USH2A: variants seen among roughly 807,000 people sequenced by gnomAD.
USH2A encodes Usher syndrome 2A (autosomal recessive, mild).
Under a neutral mutation model 538.9 loss-of-function variants are expected in USH2A, and 443 were observed. That is an observed-to-expected ratio of 0.82 (90% CI 0.76 to 0.89). USH2A has a LOEUF of 0.89. Among genes scored for constraint, USH2A ranks in the 40% least tolerant of loss-of-function variants. The pLI, the probability that USH2A is intolerant of heterozygous loss-of-function variation, is 0.00. For synonymous variants in USH2A, 2,413 were observed against 2,273.5 expected, an observed-to-expected ratio of 1.06 and a Z score of -1.75; for missense variants, 6,633 against 6,324.8, an observed-to-expected ratio of 1.05 and a Z score of -1.65.
intron 12 of USH2A, 87 bp downstream of exon 12, chr1:216,250,816 C>G (rs1434571230): frequency 6.9e-7 from 1 of 1,451,692 alleles, no homozygotes; most frequent in South Asian, 1.2e-5. Context: ...AAGAAATTTG[C>G]TTTACTCTTC....
At chr1:215,875,941 TTAATA>T in intron 43 of USH2A, among the ~76,000 whole-genome samples, 1 of 146,672 alleles carries the variant, frequency 6.8e-6, no homozygotes, top group South Asian at 2.1e-4. Context: ...TTATATATAA[TTAATA>T]ATGTATATAA....
At chr1:215,734,620 T>C (rs946254083) in intron 60 of USH2A, among the ~76,000 whole-genome samples, 23 of 152,206 alleles carry the variant, frequency 1.5e-4, no homozygotes, top group Admixed American at 4.6e-4. Context: ...CATATCTGAT[T>C]GTAGGCTGTT....
chr1:216,394,624 TA>T (rs2039172659), intron 3 of USH2A, among the ~76,000 whole-genome samples: 2 of 151,836 alleles, frequency 1.3e-5, no homozygotes, highest in Non-Finnish European at 2.9e-5. Flanking sequence ...GAATGAATAA[TA>T]AACAGACGTT....
chr1:215,897,194 T>C (rs934874914), intron 40 of USH2A, among the ~76,000 whole-genome samples: 4 of 152,150 alleles, frequency 2.6e-5, no homozygotes, highest in African/African-American at 9.7e-5. Context: ...TTCACCTGTG[T>C]CACAGGCTTG....
rs577845117 is a variant in USH2A, at chr1:216,162,943, A to G, written c.4627+12309T>C. Among the ~76,000 whole-genome samples, 11 of 152,086 alleles carry G rather than the reference A, an allele frequency of 7.2e-5. 1 individual carries two copies. The highest frequency in any genetic ancestry group is 2.4e-4 in the African/African-American group (10 of 41,536). Reference sequence around the variant, plus strand: ...ATTTTTGAATTATTTTTCAGCATCAATCTTCTCTCTGGGAACCTACCCTCC... The same window carrying G: ...ATTTTTGAATTATTTTTCAGCATCAGTCTTCTCTCTGGGAACCTACCCTCC... On this transcript the variant is annotated intron_variant, in intron 21 of 71. Transcript: ENST00000307340.
chr1:215,836,803 G>A (rs949367075), intron 47 of USH2A, among the ~76,000 whole-genome samples: 32 of 150,286 alleles, frequency 2.1e-4, no homozygotes, highest in Middle Eastern at 3.5e-3. Flanking sequence ...TGATCCGCCC[G>A]CCTCGGCCTC....
intron 44 of USH2A, among the ~76,000 whole-genome samples, chr1:215,862,498 G>A (rs924260227): frequency 6.6e-6 from 1 of 152,050 alleles, no homozygotes; most frequent in Admixed American, 6.5e-5. Context: ...CACCAACATG[G>A]CACATGTTTA....
chr1:216,315,667 T>C (rs1205873976), intron 9 of USH2A, among the ~76,000 whole-genome samples: 1 of 152,184 alleles, frequency 6.6e-6, no homozygotes, highest in East Asian at 1.9e-4. Context: ...TGGGACAAAT[T>C]GGTAGAGTAC....
chr1:215,681,956 T>C (rs1009927122), intron 61 of USH2A, among the ~76,000 whole-genome samples: 1 of 152,216 alleles, frequency 6.6e-6, no homozygotes, highest in African/African-American at 2.4e-5. Context: ...TTCTCTTTTT[T>C]AAAATATTAA....
chr1:215,941,106 A>G (rs1488151250), intron 37 of USH2A, among the ~76,000 whole-genome samples: 1 of 152,108 alleles, frequency 6.6e-6, no homozygotes, highest in Non-Finnish European at 1.5e-5. Context: ...TCCTAAATGT[A>G]TCTCATTTTA....
At chr1:215,640,203 T>C (rs1233705665) in intron 68 of USH2A, among the ~76,000 whole-genome samples, 1 of 152,012 alleles carries the variant, frequency 6.6e-6, no homozygotes, top group African/African-American at 2.4e-5. Flanking sequence ...AGCAAGAAAA[T>C]CTATGAAGTT....
At chr1:216,414,743 C>T (rs369833357) in intron 3 of USH2A, among the ~76,000 whole-genome samples, 6 of 152,114 alleles carry the variant, frequency 3.9e-5, no homozygotes, top group East Asian at 1.9e-4. Context: ...CAGAAACACA[C>T]ACACTATATA....
At chr1:216,421,794 T>G in intron 2 of USH2A, 58 bp downstream of exon 2, 4 of 1,612,868 alleles carry the variant, frequency 2.5e-6, no homozygotes, top group Non-Finnish European at 3.4e-6. Context: ...GCTGAAATGA[T>G]CTTCACTACT....
chr1:216,246,680 A>G lies in USH2A; in HGVS notation c.2714T>C (p.Leu905Ser). The G allele has an allele frequency of 6.2e-7, 1 of 1,614,136 alleles. No homozygotes were observed. The highest frequency in any genetic ancestry group is 8.5e-7 in the Non-Finnish European group (1 of 1,179,976). ...QHCQMCECDS[L>S]GTLPGTICDP... Reference sequence around the variant, plus strand: ...ACAAATGGTCCCAGGTAATGTCCCCAAGGAATCACACTCACACATCTGGCA... The same window carrying G: ...ACAAATGGTCCCAGGTAATGTCCCCGAGGAATCACACTCACACATCTGGCA... The change falls in exon 13 of 72, where the codon TTG (leucine) becomes TCG (serine). Residue 905 changes from leucine (L) to serine (S), a missense_variant. Coordinates refer to ENST00000307340, the MANE Select transcript of USH2A (RefSeq NM_206933.4).
chr1:215,924,470 A>G (rs1210185289), intron 38 of USH2A, among the ~76,000 whole-genome samples: 1 of 152,126 alleles, frequency 6.6e-6, no homozygotes, highest in Non-Finnish European at 1.5e-5. Flanking sequence ...CAAGTCAGGC[A>G]TACAGTTTGT....
rs1657941020 is a variant in USH2A, at chr1:215,674,662, A to G, written c.13249T>C (p.Tyr4417His). The G allele has an allele frequency of 6.2e-7, 1 of 1,614,042 alleles. No individual in the cohort carries two copies. The highest frequency in any genetic ancestry group is 1.1e-5 in the South Asian group (1 of 91,078). The change falls in exon 63 of 72, where the codon TAT becomes CAT. Residue 4417 changes from tyrosine to histidine, a missense_variant. Physicochemically the swap from Tyr to His is moderately conservative, Grantham distance 83 (BLOSUM62 2). Coordinates refer to ENST00000307340, the MANE Select transcript of USH2A (RefSeq NM_206933.4). ...GTGCAGGCTACAAGGGAGAAGTTAT[A>G]CTGAGAGTAAGGCTGCAGGTGGGAA... ...LVSHLQPYSQ[Y>H]NFSLVACTNG...
At chr1:215,854,551 T>G (rs1226168273) in intron 44 of USH2A, among the ~76,000 whole-genome samples, 1 of 152,086 alleles carries the variant, frequency 6.6e-6, no homozygotes, top group Non-Finnish European at 1.5e-5. Context: ...ACACAGTAAG[T>G]TTCAGAGTGG....
chr1:215,787,288 A>G (rs1289725877), intron 51 of USH2A, among the ~76,000 whole-genome samples: 1 of 152,188 alleles, frequency 6.6e-6, no homozygotes, highest in East Asian at 1.9e-4. Context: ...CAAATATTTT[A>G]TTTTTGCTAT....
At chr1:216,084,517 T>C (rs896355176) in intron 25 of USH2A, among the ~76,000 whole-genome samples, 181 bp downstream of exon 25, 2 of 152,174 alleles carry the variant, frequency 1.3e-5, no homozygotes, top group East Asian at 1.9e-4. Flanking sequence ...TTATGAGTCT[T>C]ATAATTTATA....
Sources: allele counts gnomAD v4.1 joint callset (sites outside exome capture counted in the v4.1 genomes callset), GRCh38; gene constraint gnomAD v4.1.1; transcripts MANE v1.5; gene names NCBI Gene and HGNC (gene_info 2026-07-23, HGNC 2026-07-21).